ORC3: variants seen among roughly 807,000 people sequenced by gnomAD.
The protein encoded by ORC3 is origin recognition complex subunit 3, also known as homolog of latheo, Drosophila.
Under a neutral mutation model 100.7 loss-of-function variants are expected in ORC3, and 78 were observed. The observed-to-expected ratio is 0.77, with a 90% confidence interval of 0.65 to 0.94. The LOEUF (loss-of-function observed/expected upper bound fraction) is 0.94, where lower values mean the gene tolerates loss of function less well. ORC3 is among the 40% of genes least tolerant of loss of function. The pLI, the probability that ORC3 is intolerant of heterozygous loss-of-function variation, is 0.00. For missense variants in ORC3, 789 were observed against 823.9 expected (o/e 0.96, Z 0.52); for synonymous variants, 295 against 289.3 (o/e 1.02, Z -0.20).
Position 87,612,227 on chromosome 6 carries a change from C to T in ORC3, c.852C>T (p.His284=). ...TCCAATCTTTGTCTTGTAAGGAGCA[C>T]CTGACTACGGTACTCGATAAGGTAA... The part of the protein sequence containing the change: ...ELFQSLSCKE[H]LTTVLDKLLL... Residue 284 remains histidine, a synonymous_variant, in exon 8 of 20, where the codon CAC becomes CAT. Coordinates refer to ENST00000392844, the MANE Select transcript of ORC3 (RefSeq NM_012381.4). 3.1e-6 allele frequency: 5 copies of T among 1,609,204 alleles called. No homozygotes were observed. Among genetic ancestry groups the T allele is most frequent in the Non-Finnish European group, 4.2e-6 (5 of 1,178,402 alleles).
downstream of ORC3, among the ~76,000 whole-genome samples, chr6:87,672,177 T>C (rs778056996): frequency 6.6e-6 from 1 of 152,180 alleles, no homozygotes; most frequent in Non-Finnish European, 1.5e-5. Flanking sequence ...AAGTCAACTT[T>C]TCTGTTTGAA....
rs76499304 is a variant in ORC3, at chr6:87,663,266, G to A, written c.1833+122G>A. 6,389 of 658,590 alleles carry A rather than the reference G, an allele frequency of 9.7e-3. 49 individuals carry two copies. Among genetic ancestry groups the A allele is most frequent in the Non-Finnish European group, 0.011 (4,793 of 418,098 alleles). 40.8% of individuals were successfully genotyped at this position (658,590 alleles called of 1,614,324 possible). A position where few individuals can be genotyped will look rare whatever the true frequency, so the allele number is the denominator to read the frequency against. ...GAGAGTCGGCAATTCAGGGTTGCACGTCTCATATATTTTTAAAAATTCTTT... is the reference window on the plus strand; with the variant it reads ...GAGAGTCGGCAATTCAGGGTTGCACATCTCATATATTTTTAAAAATTCTTT... On this transcript the variant is annotated intron_variant, in intron 17 of 19. Transcript: ENST00000392844.
chr6:87,655,991 G>A (rs1769654770), intron 14 of ORC3, among the ~76,000 whole-genome samples: 2 of 152,098 alleles, frequency 1.3e-5, no homozygotes, highest in South Asian at 4.1e-4. Context: ...GCATCCTCCT[G>A]TCATAGTTTT....
At chr6:87,627,291 G>A (rs553414490) in intron 11 of ORC3, among the ~76,000 whole-genome samples, 144 of 112,584 alleles carry the variant, frequency 1.3e-3, no homozygotes, top group Admixed American at 2.3e-3. Flanking sequence ...GAGCCACCGC[G>A]CCCAGCTTTT....
chr6:87,649,101 C>A (rs1769037401), intron 13 of ORC3, among the ~76,000 whole-genome samples: 1 of 152,184 alleles, frequency 6.6e-6, no homozygotes, highest in Non-Finnish European at 1.5e-5. Context: ...TTCTTTTTCC[C>A]TGCTCCCAGA....
chr6:87,597,710 C>CACACACAT (rs1554234483), intron 2 of ORC3, among the ~76,000 whole-genome samples: 2 of 140,610 alleles, frequency 1.4e-5, no homozygotes, highest in African/African-American at 5.4e-5. Context: ...CACACACACA[C>CACACACAT]ATATATATAT....
intron 2 of ORC3, among the ~76,000 whole-genome samples, chr6:87,599,755 C>G (rs137883221): frequency 0.07 from 10,709 of 151,958 alleles, 407 homozygotes; most frequent in East Asian, 0.095. Context: ...GTGGGCAGAT[C>G]ACTTGAGGTC....
intron 17 of ORC3, 37 bp downstream of exon 17, chr6:87,663,181 A>C: frequency 6.5e-7 from 1 of 1,545,020 alleles, no homozygotes; most frequent in Non-Finnish European, 8.9e-7. Flanking sequence ...AGTTTAGCTC[A>C]GACTCTGGGC....
chr6:87,611,763 C>T (rs1469925884), intron 7 of ORC3, among the ~76,000 whole-genome samples: 1 of 150,288 alleles, frequency 6.7e-6, no homozygotes, highest in African/African-American at 2.5e-5. Flanking sequence ...GTCTGGGTGA[C>T]AGAGCAGGAC....
In ORC3 at chr6:87,612,071, T is replaced by C. The variant is rs1216552014; in HGVS notation, c.714-18T>C. 1 of 1,603,190 alleles carries C rather than the reference T, an allele frequency of 6.2e-7. No homozygotes were observed. Among genetic ancestry groups the C allele is most frequent in the African/African-American group, 1.3e-5 (1 of 74,674 alleles). The stretch of plus-strand genomic sequence containing the variant: ...TTGCTAAATAAATTTCACTTTTGTG[T>C]CTGTCTTTCAAAACTAGTCAACATC... On this transcript the variant is annotated intron_variant, in intron 7 of 19. Transcript: ENST00000392844.
chr6:87,667,638 A>T (rs999427768), downstream of ORC3, among the ~76,000 whole-genome samples: 2 of 151,960 alleles, frequency 1.3e-5, no homozygotes, highest in African/African-American at 4.8e-5. Context: ...TTTAAAGAAA[A>T]AAAAAAAAGG....
In ORC3 at chr6:87,629,493, TCTC is replaced by T. The variant is rs547953952; in HGVS notation, c.1186-5347_1186-5345del. Among the ~76,000 whole-genome samples, 113 of 152,262 alleles carry T rather than the reference TCTC, an allele frequency of 7.4e-4. 1 individual carries two copies. Among genetic ancestry groups the T allele is most frequent in the African/African-American group, 2.5e-3 (104 of 41,542 alleles). On this transcript the variant is annotated intron_variant, in intron 11 of 19. Transcript: ENST00000392844. ...TATAAGTTTTACATATGTATTGACT[TCTC>T]CTCCAGAGAAAGCAGCTAGCTCAAT...
At chr6:87,595,960 C>A (rs1777401197) in intron 2 of ORC3, among the ~76,000 whole-genome samples, 2 of 151,836 alleles carry the variant, frequency 1.3e-5, no homozygotes, top group Admixed American at 1.3e-4. Flanking sequence ...CTCAGCCTCC[C>A]AAGTACCTGG....
intron 3 of ORC3, among the ~76,000 whole-genome samples, chr6:87,602,302 G>A (rs1249275036): frequency 6.6e-6 from 1 of 152,148 alleles, no homozygotes; most frequent in African/African-American, 2.4e-5. Context: ...GTTAAGGCAA[G>A]GAGCTTTCAA....
chr6:87,653,451 T>C (rs1017025694), intron 14 of ORC3, among the ~76,000 whole-genome samples: 5 of 152,160 alleles, frequency 3.3e-5, no homozygotes, highest in Non-Finnish European at 5.9e-5. Flanking sequence ...GTTTAAACAA[T>C]GGAGAGCATC....
chr6:87,615,854 ATACT>A (rs1779118215), intron 8 of ORC3, among the ~76,000 whole-genome samples: 1 of 152,322 alleles, frequency 6.6e-6, no homozygotes, highest in African/African-American at 2.4e-5. Context: ...CAGCTATTCT[ATACT>A]TTTGAAATAG....
intron 4 of ORC3, among the ~76,000 whole-genome samples, chr6:87,604,940 T>C (rs2128249878): frequency 6.6e-6 from 1 of 152,364 alleles, no homozygotes; most frequent in East Asian, 1.9e-4. Context: ...GCTGTAACTC[T>C]TAAGCAGTTT....
intron 13 of ORC3, among the ~76,000 whole-genome samples, chr6:87,645,854 A>G (rs1768724819): frequency 6.6e-6 from 1 of 152,196 alleles, no homozygotes; most frequent in Non-Finnish European, 1.5e-5. Context: ...AAAAAATGAC[A>G]ATCTATAAAG....
intron 3 of ORC3, among the ~76,000 whole-genome samples, chr6:87,602,563 A>T (rs1777987265): frequency 6.6e-6 from 1 of 151,480 alleles, no homozygotes; most frequent in Non-Finnish European, 1.5e-5. Context: ...GCCGCCTACC[A>T]GTCCTTACTG....
Sources: allele counts gnomAD v4.1 joint callset (sites outside exome capture counted in the v4.1 genomes callset), GRCh38; gene constraint gnomAD v4.1.1; transcripts MANE v1.5; gene names NCBI Gene and HGNC (gene_info 2026-07-23, HGNC 2026-07-21).